RABGAP1: variants seen among roughly 807,000 people sequenced by gnomAD.
RABGAP1 encodes the protein rab GTPase-activating protein 1.
RABGAP1 carries 23 observed loss-of-function variants against 137.6 expected under a neutral mutation model. The ratio of observed to expected loss-of-function variants is 0.17; its 90% CI spans 0.12 to 0.24. RABGAP1 has a LOEUF of 0.24. Among genes scored for constraint, RABGAP1 ranks in the 10% least tolerant of loss-of-function variants. RABGAP1 has a pLI of 1.00. For missense variants in RABGAP1, 906 were observed against 1,275.8 expected (o/e 0.71, Z 4.42); for synonymous variants, 451 against 450.7 (o/e 1.00, Z -0.01).
chr9:122,949,594 C>G lies in RABGAP1; in HGVS notation c.-49-7417C>G, dbSNP rs145007702. Reference sequence around the variant, plus strand: ...CCTGTAATCCCAGCTATTCAGGAGGCTGAGGCAGGAGAATCGCTTGAACTC... The same window carrying G: ...CCTGTAATCCCAGCTATTCAGGAGGGTGAGGCAGGAGAATCGCTTGAACTC... On this transcript the variant is annotated intron_variant, in intron 1 of 25. Transcript: ENST00000373647. Among the ~76,000 whole-genome samples the G allele has an allele frequency of 6.5e-3, 978 of 149,670 alleles. 16 individuals carry two copies. The highest frequency in any genetic ancestry group is 0.023 in the African/African-American group (938 of 40,220).
In RABGAP1 at chr9:123,095,246, AAAAAAG is replaced by A. The variant is rs1232522823; in HGVS notation, c.2629-2494_2629-2489del. On this transcript the variant is annotated intron_variant, in intron 21 of 25. Coordinates refer to ENST00000373647, the MANE Select transcript of RABGAP1 (RefSeq NM_012197.4). ...TGTCCCAAAAAAAAAAAAAAAAAAA[AAAAAAG>A]CCAGCTTTTGCTTTTATTGAGTTTT... 5.9e-5 allele frequency among the ~76,000 whole-genome samples: 9 copies of A among 151,614 alleles called. No individual in the cohort carries two copies. In the East Asian group the frequency reaches 1.5e-3, roughly 26 times the overall value.
intron 2 of RABGAP1, among the ~76,000 whole-genome samples, chr9:122,977,620 C>T (rs1055467382): frequency 6.6e-6 from 1 of 152,200 alleles, no homozygotes; most frequent in East Asian, 1.9e-4. Flanking sequence ...ACATGAGAAT[C>T]GCTTGAACCC....
At chr9:123,086,308 G>A (rs1285352896) in intron 19 of RABGAP1, among the ~76,000 whole-genome samples, 1 of 152,184 alleles carries the variant, frequency 6.6e-6, no homozygotes, top group African/African-American at 2.4e-5. Context: ...AAAAGTCAAT[G>A]CAAGGAAAAG....
At position 123,076,648 on chromosome 9, in the gene RABGAP1, C is replaced by T. The variant is rs770014785; in HGVS notation, c.2310C>T (p.Asp770=). 1.9e-6 allele frequency: 3 copies of T among 1,597,198 alleles called. No individual in the cohort carries two copies. The African/African-American group carries it at 4.1e-5, about 22-fold the overall frequency. The stretch of plus-strand genomic sequence containing the variant: ...TTTTCTTCAAGACTTCGAAAGATGA[C>T]CTGCTGTTGACAGACTTTGAAGGTG... The part of the protein sequence containing the change: ...ALGLLKTSKD[D]LLLTDFEGAL... The change falls in exon 19 of 26, where the codon GAC becomes GAT. Residue 770 remains aspartate, a synonymous_variant. Coordinates refer to ENST00000373647, the MANE Select transcript of RABGAP1 (RefSeq NM_012197.4).
At position 123,040,008 on chromosome 9, in the gene RABGAP1, G is replaced by A. The variant is rs867167219; in HGVS notation, c.1794+19549G>A. Among the ~76,000 whole-genome samples the A allele has an allele frequency of 7.9e-5, 12 of 152,260 alleles. No individual in the cohort carries two copies. In the South Asian group the frequency reaches 1.2e-3, roughly 16 times the overall value. ...TTATGTAAGAGCAGTGGCTTTTAGG[G>A]AAAGTTTAAGCAATCAAGAAGCACT... On this transcript the variant is annotated intron_variant, in intron 13 of 25. Coordinates refer to ENST00000373647, the MANE Select transcript of RABGAP1 (RefSeq NM_012197.4).
intron 2 of RABGAP1, among the ~76,000 whole-genome samples, chr9:122,979,706 TTTTA>T (rs1208664148): frequency 8.5e-5 from 13 of 152,242 alleles, no homozygotes; most frequent in African/African-American, 3.1e-4. Context: ...GCTTCATTTG[TTTTA>T]TTTGTCACTT....
At chr9:122,988,870 G>C (rs1836508176) in intron 4 of RABGAP1, among the ~76,000 whole-genome samples, 2 of 151,426 alleles carry the variant, frequency 1.3e-5, no homozygotes, top group Non-Finnish European at 2.9e-5. Context: ...TTGAACCCAG[G>C]AGGCGGAGGT....
At chr9:122,957,296 G>A in intron 2 of RABGAP1, 87 bp downstream of exon 2, 1 of 1,059,434 alleles carries the variant, frequency 9.4e-7, no homozygotes, top group Non-Finnish European at 1.3e-6. Flanking sequence ...GATATGGGAG[G>A]AAAGTGAGAA....
intron 6 of RABGAP1, among the ~76,000 whole-genome samples, chr9:122,992,857 C>T (rs904206456): frequency 6.6e-6 from 1 of 150,484 alleles, no homozygotes; most frequent in African/African-American, 2.4e-5. Context: ...AATTATTATA[C>T]CTAAATATAT....
rs886783552 is a variant in RABGAP1 at position 122,986,250 on chromosome 9, G to A, written c.421G>A (p.Asp141Asn). Reference protein sequence around the residue: ...EASSPFTPVADEDSVVFSKLT... With the variant: ...EASSPFTPVANEDSVVFSKLT... ...TTCAAGTCCTTTCACACCAGTGGCCGATGAGGACAGCGTAGTTTTCAGTAA... is the reference window on the plus strand; with the variant it reads ...TTCAAGTCCTTTCACACCAGTGGCCAATGAGGACAGCGTAGTTTTCAGTAA... The change falls in exon 4 of 26, where the codon GAT becomes AAT. Residue 141 changes from aspartate to asparagine, a missense_variant. By Grantham distance (23) the Asp-to-Asn change is conservative. Coordinates refer to ENST00000373647, the MANE Select transcript of RABGAP1 (RefSeq NM_012197.4). The A allele has an allele frequency of 1.4e-5, 23 of 1,613,990 alleles. No homozygotes were observed. The highest frequency in any genetic ancestry group is 3.3e-5 in the Admixed American group (2 of 59,994).
intron 23 of RABGAP1, among the ~76,000 whole-genome samples, chr9:123,099,140 T>C (rs1487282313): frequency 9.2e-5 from 14 of 152,218 alleles, no homozygotes; most frequent in Admixed American, 7.9e-4. Flanking sequence ...AAACCGGTTA[T>C]TTCCCTGACT....
At chr9:122,947,065 A>G (rs1833985742) in intron 1 of RABGAP1, among the ~76,000 whole-genome samples, 1 of 152,164 alleles carries the variant, frequency 6.6e-6, no homozygotes. Flanking sequence ...AAAACACCTG[A>G]TATCCCCCCT....
chr9:122,993,034 A>G (rs1343950823), intron 6 of RABGAP1, among the ~76,000 whole-genome samples: 1 of 151,724 alleles, frequency 6.6e-6, no homozygotes, highest in African/African-American at 2.4e-5. Context: ...AATTATTATT[A>G]TGAATGTTCT....
At chr9:122,988,942 CAAAAA>C (rs56914411) in intron 4 of RABGAP1, among the ~76,000 whole-genome samples, 1 of 57,060 alleles carries the variant, frequency 1.8e-5, no homozygotes, top group Admixed American at 2.0e-4. Context: ...AAACTTGTCT[CAAAAA>C]AAAAAAAAAA....
chr9:123,057,086 C>T (rs1159052902), intron 13 of RABGAP1, among the ~76,000 whole-genome samples: 12 of 142,498 alleles, frequency 8.4e-5, no homozygotes, highest in Non-Finnish European at 1.4e-4. Context: ...CCGGACGGGG[C>T]GGCTGGCCGG....
chr9:122,975,240 A>T (rs1835703065), intron 2 of RABGAP1, among the ~76,000 whole-genome samples: 1 of 152,234 alleles, frequency 6.6e-6, no homozygotes, highest in Admixed American at 6.5e-5. Context: ...TGAGGGCCTA[A>T]ATATCCTTCA....
chr9:123,054,550 T>C (rs755722935), intron 13 of RABGAP1, among the ~76,000 whole-genome samples: 2 of 152,218 alleles, frequency 1.3e-5, no homozygotes, highest in Admixed American at 6.5e-5. Flanking sequence ...ATTATTATGG[T>C]ACATTTATTA....
rs765686189 is a variant in RABGAP1 at position 122,957,063 on chromosome 9, G to C, written c.4G>C (p.Asp2His). 1 of 1,509,372 alleles carries C rather than the reference G, an allele frequency of 6.6e-7. No individual in the cohort carries two copies. The highest frequency in any genetic ancestry group is 9.0e-7 in the Non-Finnish European group (1 of 1,110,506). The allele number at this position is 1,509,372 out of a possible 1,614,324, so 93.5% of individuals were successfully genotyped here. A position where few individuals can be genotyped will look rare whatever the true frequency, so the allele number is the denominator to read the frequency against. ...TGTTGAGACTCATTCTTGAGTTATG[G>C]ATGACAAGGCTTCTGTTGGAAAAAT... The part of the protein sequence containing the change: M[D>H]DKASVGKISV... The change falls in exon 2 of 26, where the codon GAT becomes CAT. Residue 2 changes from aspartate to histidine, a missense_variant. Around this residue, in one of 9 missense-constraint regions of RABGAP1, gnomAD observed 331 missense variants for 358.3 expected, o/e 0.92. Coordinates refer to ENST00000373647, the MANE Select transcript of RABGAP1 (RefSeq NM_012197.4).
At chr9:122,962,392 G>A (rs1313433804) in intron 2 of RABGAP1, among the ~76,000 whole-genome samples, 1 of 101,392 alleles carries the variant, frequency 9.9e-6, no homozygotes, top group African/African-American at 2.5e-5. Context: ...TGTGGTGTGT[G>A]TCTGTAGTCA....
Sources: allele counts gnomAD v4.1 joint callset (sites outside exome capture counted in the v4.1 genomes callset), GRCh38; gene constraint gnomAD v4.1.1; regional missense constraint gnomAD v4.1.1; transcripts MANE v1.5; gene names NCBI Gene and HGNC (gene_info 2026-07-23, HGNC 2026-07-21).